PDE4D: variants seen among roughly 807,000 people sequenced by gnomAD.
PDE4D encodes the protein 3',5'-cyclic-AMP phosphodiesterase 4D.
A neutral mutation model predicts 87.4 loss-of-function variants in PDE4D; 24 were observed. The observed-to-expected ratio is 0.27, with a 90% CI of 0.20 to 0.39. The LOEUF is 0.39. PDE4D is among the 10% of genes least tolerant of loss of function. The pLI, the probability that PDE4D is intolerant of heterozygous loss-of-function variation, is 1.00. For synonymous variants in PDE4D, 384 were observed against 383.2 expected (o/e 1.00, Z -0.02); for missense variants, 714 against 1,041.0 (o/e 0.69, Z 4.32).
At chr5:59,409,134 C>T (rs1424004875) in intron 1 of PDE4D, among the ~76,000 whole-genome samples, 2 of 146,732 alleles carry the variant, frequency 1.4e-5, no homozygotes, top group African/African-American at 5.1e-5. Context: ...GGTGACTAAG[C>T]GAGACTCCAT....
chr5:60,324,035 G>A (rs576984571), intron 1 of PDE4D, among the ~76,000 whole-genome samples: 2 of 152,150 alleles, frequency 1.3e-5, no homozygotes, highest in African/African-American at 2.4e-5. Flanking sequence ...TTCTATGAAC[G>A]TTTGATTAAG....
At chr5:60,509,659 T>G (rs1014635972) in intron 1 of PDE4D, among the ~76,000 whole-genome samples, 6 of 152,194 alleles carry the variant, frequency 3.9e-5, no homozygotes, top group Admixed American at 1.3e-4. Context: ...TGGCTACACT[T>G]CTGGCCTTGC....
intron 2 of PDE4D, among the ~76,000 whole-genome samples, chr5:60,030,419 C>T (rs1472474426): frequency 1.3e-5 from 2 of 152,044 alleles, no homozygotes; most frequent in Admixed American, 6.6e-5. Context: ...CACTGCAGTC[C>T]GCAGTCCGGC....
chr5:60,230,034 T>A (rs1457063737), intron 1 of PDE4D, among the ~76,000 whole-genome samples: 1 of 152,102 alleles, frequency 6.6e-6, no homozygotes, highest in Non-Finnish European at 1.5e-5. Flanking sequence ...GCTGACCACA[T>A]AACACCCAAG....
rs62357974 is a variant in PDE4D, at chr5:59,180,399, G to A, written c.808+196C>T. The A allele has an allele frequency of 0.22, 155,521 of 709,134 alleles. 18,482 individuals carry two copies. Among genetic ancestry groups the A allele is most frequent in the African/African-American group, 0.29 (16,922 of 57,518 alleles). The allele number at this position is 709,134 out of a possible 1,614,324, so 43.9% of individuals were successfully genotyped here. On this transcript the variant is annotated intron_variant, in intron 5 of 14. Transcript: ENST00000340635. ...AAAATAATGTACATCAGTAAAAAAC[G>A]TAAATCGGTAAAAATGTTCCAAATA...
chr5:59,769,385 CAGA>C (rs1471679220), intron 1 of PDE4D, among the ~76,000 whole-genome samples: 2 of 152,298 alleles, frequency 1.3e-5, no homozygotes, highest in East Asian at 3.9e-4. Flanking sequence ...AATGCCCCTC[CAGA>C]AGGACAGATA....
intron 1 of PDE4D, among the ~76,000 whole-genome samples, chr5:59,651,303 T>TAATAAC (rs1471732311): frequency 3.4e-5 from 5 of 146,240 alleles, no homozygotes; most frequent in African/African-American, 1.3e-4. Flanking sequence ...ATAATAATAA[T>TAATAAC]AATTGCTAAA....
chr5:59,233,082 G>A (rs1755604583), intron 1 of PDE4D, among the ~76,000 whole-genome samples: 1 of 152,086 alleles, frequency 6.6e-6, no homozygotes, highest in Non-Finnish European at 1.5e-5. Flanking sequence ...CTGGATAGAA[G>A]AAATAAGTTA....
chr5:59,440,423 A>G (rs1266349285), intron 1 of PDE4D, among the ~76,000 whole-genome samples: 2 of 152,266 alleles, frequency 1.3e-5, no homozygotes, highest in African/African-American at 4.8e-5. Context: ...ACTACTGATA[A>G]CAATTACAAC....
At chr5:59,578,981 A>G (rs1823625136) in intron 1 of PDE4D, among the ~76,000 whole-genome samples, 1 of 151,368 alleles carries the variant, frequency 6.6e-6, no homozygotes, top group Non-Finnish European at 1.5e-5. Context: ...CTTAAGCAAA[A>G]TTTTGAAAGA....
chr5:60,329,349 C>T (rs1198223696), intron 1 of PDE4D, among the ~76,000 whole-genome samples: 1 of 152,162 alleles, frequency 6.6e-6, no homozygotes, highest in Non-Finnish European at 1.5e-5. Flanking sequence ...AGCACTTCTC[C>T]TTGCTGCCAC....
intron 2 of PDE4D, among the ~76,000 whole-genome samples, chr5:60,103,973 A>G (rs138988067): frequency 2.2e-3 from 331 of 152,274 alleles, no homozygotes; most frequent in African/African-American, 7.6e-3. Context: ...CTGAGGTACC[A>G]GGTTCATCTC....
At chr5:59,603,034 C>G (rs1271958943) in intron 1 of PDE4D, among the ~76,000 whole-genome samples, 1 of 151,784 alleles carries the variant, frequency 6.6e-6, no homozygotes, top group African/African-American at 2.4e-5. Flanking sequence ...TAAAAATCAA[C>G]CTATAGTGGA....
intron 1 of PDE4D, among the ~76,000 whole-genome samples, chr5:60,364,443 C>A (rs1760350885): frequency 6.6e-6 from 1 of 152,106 alleles, no homozygotes; most frequent in Non-Finnish European, 1.5e-5. Flanking sequence ...AAATAATCAA[C>A]TCTATTGTAA....
intron 1 of PDE4D, among the ~76,000 whole-genome samples, chr5:59,325,036 T>A (rs1269226235): frequency 6.6e-6 from 1 of 152,156 alleles, no homozygotes; most frequent in Non-Finnish European, 1.5e-5. Flanking sequence ...CTGATTTATT[T>A]TCTGGGCCAG....
intron 2 of PDE4D, among the ~76,000 whole-genome samples, chr5:60,139,314 T>C (rs145488113): frequency 1.2e-4 from 19 of 152,236 alleles, no homozygotes; most frequent in African/African-American, 4.6e-4. Context: ...TCTCAAGATC[T>C]ATAAAGAAAG....
chr5:59,046,710 G>C (rs1379069219), intron 5 of PDE4D, among the ~76,000 whole-genome samples: 2 of 152,152 alleles, frequency 1.3e-5, no homozygotes, highest in Admixed American at 1.3e-4. Context: ...GACTGAGCTT[G>C]AAGGCCAGAT....
At chr5:60,323,968 T>TA (rs2149847665) in intron 1 of PDE4D, among the ~76,000 whole-genome samples, 1 of 152,280 alleles carries the variant, frequency 6.6e-6, no homozygotes, top group East Asian at 1.9e-4. Context: ...TAATTTCCTC[T>TA]GGTAGCACCA....
chr5:60,321,436 C>A (rs73106738), intron 1 of PDE4D, among the ~76,000 whole-genome samples: 13,332 of 152,122 alleles, frequency 0.088, 1,923 homozygotes, highest in African/African-American at 0.31. Flanking sequence ...TAAAACTATA[C>A]AAATGCTGGA....
Sources: gnomAD v4.1 joint callset for allele counts (sites outside exome capture counted in the v4.1 genomes callset) on GRCh38, gnomAD v4.1.1 for gene constraint, MANE v1.5 for transcripts, NCBI Gene and HGNC (gene_info 2026-07-23, HGNC 2026-07-21) for gene names.